Variants in HCN1 observed in about 807,000 individuals in gnomAD.
HCN1 encodes potassium/sodium hyperpolarization-activated cyclic nucleotide-gated channel 1.
HCN1 carries 13 observed loss-of-function variants against 78.9 expected under a neutral mutation model. The ratio of observed to expected loss-of-function variants is 0.16; its 90% CI spans 0.11 to 0.26. The LOEUF is 0.26. HCN1 is among the 10% of genes least tolerant of loss of function. The pLI, the probability that HCN1 is intolerant of heterozygous loss-of-function variation, is 1.00. For missense variants in HCN1, 810 were observed against 1,154.3 expected (o/e 0.70, Z 4.32); for synonymous variants, 552 against 455.5 (o/e 1.21, Z -2.70).
At chr5:45,271,691 A>G (rs1299540675) in intron 6 of HCN1, among the ~76,000 whole-genome samples, 1 of 152,140 alleles carries the variant, frequency 6.6e-6, no homozygotes, top group African/African-American at 2.4e-5. Context: ...TAGGGGCTTA[A>G]TGTTAGCTGA....
intron 3 of HCN1, among the ~76,000 whole-genome samples, chr5:45,447,799 A>AG (rs889566161): frequency 2.0e-5 from 3 of 152,184 alleles, no homozygotes; most frequent in Middle Eastern, 3.4e-3. Flanking sequence ...CACCTCAAAA[A>AG]GGGGGAGGTG....
chr5:45,622,988 A>G lies in HCN1; in HGVS notation c.849+22197T>C, dbSNP rs539593894. ...AGTGTCTTGTCCTTTTGCCGGGAAC[A>G]TATCTCCTTCCTCTTTCTCTTCTCA... On this transcript the variant is annotated intron_variant, in intron 2 of 7. Coordinates refer to ENST00000303230, the MANE Select transcript of HCN1 (RefSeq NM_021072.4). Among the ~76,000 whole-genome samples, 3 of 152,058 alleles carry G rather than the reference A, an allele frequency of 2.0e-5. No homozygotes were observed. In the South Asian group the frequency reaches 6.2e-4, roughly 32 times the overall value.
At chr5:45,456,068 G>A (rs989990294) in intron 3 of HCN1, among the ~76,000 whole-genome samples, 2 of 151,700 alleles carry the variant, frequency 1.3e-5, no homozygotes, top group African/African-American at 2.4e-5. Flanking sequence ...TTTTATATCA[G>A]TTTTTTTCTC....
At chr5:45,300,405 C>T (rs997777789) in intron 6 of HCN1, among the ~76,000 whole-genome samples, 1 of 151,958 alleles carries the variant, frequency 6.6e-6, no homozygotes, top group African/African-American at 2.4e-5. Context: ...CTTCATCCTA[C>T]TCAACATAAA....
chr5:45,360,728 A>G (rs1747092151), intron 4 of HCN1, among the ~76,000 whole-genome samples: 1 of 152,140 alleles, frequency 6.6e-6, no homozygotes, highest in Admixed American at 6.6e-5. Context: ...AATCATAAAA[A>G]TAACATGAAA....
At chr5:45,568,437 T>C (rs1375597561) in intron 2 of HCN1, among the ~76,000 whole-genome samples, 1 of 152,022 alleles carries the variant, frequency 6.6e-6, no homozygotes, top group Non-Finnish European at 1.5e-5. Flanking sequence ...TGGAATGAAA[T>C]AGAACTGGTC....
intron 2 of HCN1, among the ~76,000 whole-genome samples, chr5:45,523,842 T>C (rs2111785872): frequency 6.6e-6 from 1 of 152,326 alleles, no homozygotes; most frequent in Non-Finnish European, 1.5e-5. Flanking sequence ...TTTCTTTTGC[T>C]GTGCAGAAGC....
chr5:45,273,735 T>C (rs1745002851), intron 6 of HCN1, among the ~76,000 whole-genome samples: 1 of 152,160 alleles, frequency 6.6e-6, no homozygotes, highest in African/African-American at 2.4e-5. Context: ...TAATTTCCTA[T>C]AAATTATTTA....
intron 4 of HCN1, among the ~76,000 whole-genome samples, chr5:45,355,508 T>C (rs570267008): frequency 6.6e-6 from 1 of 152,084 alleles, no homozygotes; most frequent in East Asian, 1.9e-4. Context: ...TACTGTGTCA[T>C]CTTAGGACAT....
At chr5:45,645,037 T>A in intron 2 of HCN1, 148 bp downstream of exon 2, 1 of 613,222 alleles carries the variant, frequency 1.6e-6, no homozygotes, top group South Asian at 2.1e-5. Flanking sequence ...TACAAATATA[T>A]CACTTATGCA....
At chr5:45,507,040 G>T (rs1249698224) in intron 2 of HCN1, among the ~76,000 whole-genome samples, 7 of 151,980 alleles carry the variant, frequency 4.6e-5, no homozygotes, top group Non-Finnish European at 1.0e-4. Flanking sequence ...AAGACTAGAG[G>T]GATAGAATAC....
At chr5:45,320,403 A>C (rs1180911885) in intron 5 of HCN1, among the ~76,000 whole-genome samples, 1 of 151,890 alleles carries the variant, frequency 6.6e-6, no homozygotes, top group Non-Finnish European at 1.5e-5. Context: ...TCTAAGAATG[A>C]ATGTAATAAA....
chr5:45,279,948 C>A (rs767985932), intron 6 of HCN1, among the ~76,000 whole-genome samples: 13 of 151,964 alleles, frequency 8.6e-5, no homozygotes, highest in Non-Finnish European at 1.6e-4. Context: ...CCTCACTTTC[C>A]TGAGGAGTCT....
In HCN1 at chr5:45,360,309, A is replaced by G. The variant is rs151009983; in HGVS notation, c.1231-7063T>C. Among the ~76,000 whole-genome samples, 9 of 151,962 alleles carry G rather than the reference A, an allele frequency of 5.9e-5. No homozygotes were observed. The East Asian group carries it at 1.7e-3, about 29-fold the overall frequency. On this transcript the variant is annotated intron_variant, in intron 4 of 7. Transcript: ENST00000303230. ...AATAAATAATAAGAAAATATTTAAA[A>G]TTGTTTGCTCTTCAAAGACCAACAA... is the stretch of plus-strand genomic sequence containing the variant.
chr5:45,275,670 T>C (rs1038211884), intron 6 of HCN1, among the ~76,000 whole-genome samples: 17 of 152,134 alleles, frequency 1.1e-4, no homozygotes, highest in Admixed American at 1.0e-3. Flanking sequence ...TTAAAATACC[T>C]AATGGATATT....
chr5:45,690,846 A>G (rs1739896478), intron 1 of HCN1, among the ~76,000 whole-genome samples: 1 of 152,002 alleles, frequency 6.6e-6, no homozygotes, highest in African/African-American at 2.4e-5. Context: ...GATCTGCAAT[A>G]ATTTGCACTG....
chr5:45,263,632 G>C (rs1485504586), intron 7 of HCN1, among the ~76,000 whole-genome samples: 1 of 152,056 alleles, frequency 6.6e-6, no homozygotes, highest in Non-Finnish European at 1.5e-5. Flanking sequence ...GTCCTAGTTG[G>C]ATATTTTTCT....
chr5:45,385,245 C>T (rs1747888285), intron 4 of HCN1, among the ~76,000 whole-genome samples: 1 of 151,904 alleles, frequency 6.6e-6, no homozygotes, highest in Non-Finnish European at 1.5e-5. Flanking sequence ...ACATGGGGAC[C>T]TAATATCCCT....
At chr5:45,349,154 A>T (rs1746827139) in intron 5 of HCN1, among the ~76,000 whole-genome samples, 1 of 152,210 alleles carries the variant, frequency 6.6e-6, no homozygotes, top group Non-Finnish European at 1.5e-5. Flanking sequence ...GTAAAAGAAC[A>T]GAAATTATAA....
Sources: allele counts gnomAD v4.1 joint callset (sites outside exome capture counted in the v4.1 genomes callset), GRCh38; gene constraint gnomAD v4.1.1; transcripts MANE v1.5; gene names NCBI Gene and HGNC (gene_info 2026-07-23, HGNC 2026-07-21).